STAG3: variants seen among roughly 807,000 people sequenced by gnomAD.
The protein encoded by STAG3 is STAG3 cohesin complex component.
Under a neutral mutation model 160.7 loss-of-function variants are expected in STAG3, and 101 were observed. The ratio of observed to expected loss-of-function variants is 0.63; its 90% CI spans 0.54 to 0.74. STAG3 has a LOEUF of 0.74. Ranked by LOEUF, STAG3 falls within the 30% of genes least tolerant of loss-of-function variation. STAG3 has a pLI of 0.00. For missense variants in STAG3, 1,188 were observed against 1,517.4 expected, an observed-to-expected ratio of 0.78 and a Z score of 3.61; for synonymous variants, 519 against 585.0, an observed-to-expected ratio of 0.89 and a Z score of 1.63.
intron 20 of STAG3, 30 bp downstream of exon 20, chr7:100,201,190 C>T (rs371413212): frequency 2.4e-5 from 39 of 1,613,972 alleles, no homozygotes; most frequent in African/African-American, 4.0e-5. Context: ...TTCCCCATCC[C>T]GTTTTTACTG....
At chr7:100,188,373 C>A (rs1175915168) in intron 5 of STAG3, 80 bp from the exon 6 acceptor site, 15 of 962,550 alleles carry the variant, frequency 1.6e-5, no homozygotes, top group South Asian at 3.8e-5. Flanking sequence ...TGTTTCCTTG[C>A]TCATCTTCAG....
In STAG3 at chr7:100,199,473, G is replaced by T. The variant is rs956597291; in HGVS notation, c.1574-68G>T. ...CAAGGCAGCAACGGTGGCATCGGGT[G>T]GGGGGAGCTTGGAGTTGGAAGGTGG... On this transcript the variant is annotated intron_variant, in intron 15 of 33. Transcript: ENST00000615138. 2.1e-5 allele frequency: 32 copies of T among 1,550,494 alleles called. No homozygotes were observed. The African/African-American group carries it at 2.2e-4, about 11-fold the overall frequency.
chr7:100,213,892 C>G (rs1336264639), intron 33 of STAG3, 86 bp downstream of exon 33: 1 of 1,613,010 alleles, frequency 6.2e-7, no homozygotes, highest in African/African-American at 1.3e-5. Context: ...AGGCCATAGC[C>G]TGGGGGTGGC....
intron 29 of STAG3, among the ~76,000 whole-genome samples, chr7:100,205,759 G>A (rs896703989): frequency 8.6e-5 from 13 of 151,772 alleles, no homozygotes; most frequent in Non-Finnish European, 1.6e-4. Context: ...GAACCCGGGA[G>A]GCGGAGGTTG....
intron 29 of STAG3, among the ~76,000 whole-genome samples, chr7:100,208,437 T>G (rs1801862896): frequency 6.6e-6 from 1 of 152,208 alleles, no homozygotes; most frequent in Non-Finnish European, 1.5e-5. Flanking sequence ...AATAACTGCC[T>G]GAGGGCTTGT....
intron 1 of STAG3, among the ~76,000 whole-genome samples, chr7:100,178,458 AT>A (rs758164616): frequency 8.8e-5 from 13 of 148,098 alleles, no homozygotes; most frequent in Non-Finnish European, 1.8e-4. Context: ...TTCTTTCTTT[AT>A]TTTTTTTATT....
rs1802547490 is a variant in STAG3, at chr7:100,214,028, C to A, written c.*13C>A. 1.2e-6 allele frequency: 2 copies of A among 1,614,044 alleles called. No homozygotes were observed. The highest frequency in any genetic ancestry group is 1.7e-6 in the Non-Finnish European group (2 of 1,179,948). On this transcript the variant is annotated 3_prime_UTR_variant, in exon 34 of 34. Transcript: ENST00000615138. ...ATAGGATTTCTGACAGGACTCTGGG[C>A]CCCTCCCCAGCTCCACTCCCTACCT...
At chr7:100,192,212 G>A (rs1242098375) in intron 8 of STAG3, among the ~76,000 whole-genome samples, 1 of 152,138 alleles carries the variant, frequency 6.6e-6, no homozygotes, top group Admixed American at 6.5e-5. Context: ...AACCACAAAT[G>A]TTCTTTATGG....
chr7:100,195,093 G>A (rs1309126283), intron 8 of STAG3, among the ~76,000 whole-genome samples: 1 of 152,182 alleles, frequency 6.6e-6, no homozygotes, highest in South Asian at 2.1e-4. Context: ...ATGCAGAGGG[G>A]TTATTATTTT....
Position 100,207,374 on chromosome 7 carries a change from G to A in STAG3, c.3238+1990G>A, listed in dbSNP as rs1052376123. ...ACTCTGGTTTCTCCATGTTGTCACC[G>A]GTACTTATTAATGTCTTTTTTTATT... On this transcript the variant is annotated intron_variant, in intron 29 of 33. Coordinates refer to ENST00000615138, the MANE Select transcript of STAG3 (RefSeq NM_001282717.2). This position sits in a 1 kb window ranked among gnomAD's most constrained non-coding sequence, Gnocchi z 4.0. Among the ~76,000 whole-genome samples the A allele has an allele frequency of 4.6e-5, 7 of 152,122 alleles. No homozygotes were observed. Among genetic ancestry groups the A allele is most frequent in the South Asian group, 2.1e-4 (1 of 4,828 alleles).
intron 8 of STAG3, among the ~76,000 whole-genome samples, chr7:100,194,038 C>A (rs1800522351): frequency 6.7e-6 from 1 of 149,920 alleles, no homozygotes; most frequent in Non-Finnish European, 1.5e-5. Flanking sequence ...ACCTCCATCT[C>A]CTGGGTTCAA....
downstream of STAG3, chr7:100,219,262 T>C (rs1803039436): frequency 1.3e-5 from 2 of 156,014 alleles, no homozygotes; most frequent in African/African-American, 4.8e-5. Flanking sequence ...AGAGGACTGC[T>C]GTTTGCTGAC....
intron 12 of STAG3, 95 bp from the exon 13 acceptor site, chr7:100,198,380 G>C (rs1800834012): frequency 7.2e-7 from 1 of 1,393,744 alleles, no homozygotes; most frequent in Non-Finnish European, 1.0e-6. Flanking sequence ...TGTGAGTTAT[G>C]TCCTTGTTGC....
At chr7:100,209,297 A>G (rs958682895) in intron 29 of STAG3, among the ~76,000 whole-genome samples, 1 of 152,156 alleles carries the variant, frequency 6.6e-6, no homozygotes, top group African/African-American at 2.4e-5. Context: ...ATTTTTTATA[A>G]CAGGTGAGGG....
chr7:100,185,640 C>T (rs1195252936), intron 4 of STAG3, among the ~76,000 whole-genome samples: 1 of 150,912 alleles, frequency 6.6e-6, no homozygotes, highest in African/African-American at 2.4e-5. Context: ...AAAGATTATT[C>T]TGATTATTCT....
At position 100,188,826 on chromosome 7, in the gene STAG3, C is replaced by A; in HGVS notation, c.525C>A (p.Tyr175Ter). ...TEQFNEDSGD[Y>*]PLIAPGPSWK... ...TCCTTTTGTAGGACTCGGGGGACTA[C>A]CCTCTCATAGCTCCAGGTCCATCCT... Residue 175 changes from tyrosine to a stop codon, truncating the protein, a stop_gained, in exon 7 of 34, where the codon TAC becomes TAA. Transcript: ENST00000615138. LOFTEE classifies it high-confidence loss of function. 6.2e-7 allele frequency: 1 copy of A among 1,614,114 alleles called. No homozygotes were observed. The highest frequency in any genetic ancestry group is 8.5e-7 in the Non-Finnish European group (1 of 1,180,010).
In STAG3 at chr7:100,205,403, G is replaced by A; in HGVS notation, c.3238+19G>A. The A allele has an allele frequency of 1.0e-5, 16 of 1,579,718 alleles. No homozygotes were observed. The highest frequency in any genetic ancestry group is 1.4e-5 in the Non-Finnish European group (16 of 1,164,220). On this transcript the variant is annotated intron_variant, in intron 29 of 33. Coordinates refer to ENST00000615138, the MANE Select transcript of STAG3 (RefSeq NM_001282717.2). Reference sequence around the variant, plus strand: ...GTTGAAGGTAGGGTGCTGTGTGTGGGTATGGGGGTGCCCAGCAGGTGGTCG... The same window carrying A: ...GTTGAAGGTAGGGTGCTGTGTGTGGATATGGGGGTGCCCAGCAGGTGGTCG...
chr7:100,189,379 C>T, intron 7 of STAG3, 66 bp from the exon 8 acceptor site: 2 of 1,514,850 alleles, frequency 1.3e-6, no homozygotes, highest in Non-Finnish European at 1.8e-6. Context: ...CTATTTTTTC[C>T]TTCTACTCAT....
intron 4 of STAG3, among the ~76,000 whole-genome samples, chr7:100,185,456 G>A (rs1799931365): frequency 6.6e-6 from 1 of 151,954 alleles, no homozygotes; most frequent in Non-Finnish European, 1.5e-5. Flanking sequence ...TTAGCCATTA[G>A]CCAGGCGTGG....
Sources: gnomAD v4.1 joint callset for allele counts (sites outside exome capture counted in the v4.1 genomes callset) on GRCh38, gnomAD v4.1.1 for gene constraint, Gnocchi (gnomAD v3.1) non-coding constraint, MANE v1.5 for transcripts, NCBI Gene and HGNC (gene_info 2026-07-23, HGNC 2026-07-21) for gene names.